The following CYTIP variants were observed in gnomAD, a reference collection of about 807,000 sequenced individuals.
CYTIP encodes cytohesin-interacting protein.
CYTIP carries 26 observed loss-of-function variants against 43.8 expected under a neutral mutation model. The observed-to-expected ratio is 0.59, with a 90% CI of 0.44 to 0.82. The LOEUF (loss-of-function observed/expected upper bound fraction) is 0.82. Among genes scored for constraint, CYTIP ranks in the 40% least tolerant of loss-of-function variants. The probability of loss-of-function intolerance (pLI) is 0.00; values close to 1 mark genes in which losing one functional copy is unlikely to be tolerated. For synonymous variants in CYTIP, 162 were observed against 162.9 expected (o/e 0.99, Z 0.04); for missense variants, 426 against 443.1 (o/e 0.96, Z 0.35).
intron 6 of CYTIP, among the ~76,000 whole-genome samples, chr2:157,422,625 A>T (rs976738207): frequency 6.6e-6 from 1 of 150,820 alleles, no homozygotes. Flanking sequence ...AGCCGAGATC[A>T]TGCCACTGCA....
At position 157,424,290 on chromosome 2, in the gene CYTIP, T is replaced by G. The variant is rs1685567952; in HGVS notation, c.546+3061A>C. Among the ~76,000 whole-genome samples the G allele has an allele frequency of 2.0e-5, 3 of 152,186 alleles. No homozygotes were observed. In the South Asian group the frequency reaches 6.2e-4, roughly 31 times the overall value. On this transcript the variant is annotated intron_variant, in intron 6 of 7. Transcript: ENST00000264192. ...TATAGTCACAGCACAGAAAAATTTATTTCACATGTCTATTAACGTCAATCA... is the reference window on the plus strand; with the variant it reads ...TATAGTCACAGCACAGAAAAATTTAGTTCACATGTCTATTAACGTCAATCA...
chr2:157,437,283 A>T (rs1685825196), intron 1 of CYTIP, among the ~76,000 whole-genome samples: 2 of 152,198 alleles, frequency 1.3e-5, no homozygotes, highest in Admixed American at 1.3e-4. Context: ...CTACCTGTGG[A>T]ATGGAAGGAA....
intron 6 of CYTIP, among the ~76,000 whole-genome samples, chr2:157,422,424 T>A (rs145497728): frequency 6.6e-6 from 1 of 152,154 alleles, no homozygotes; most frequent in Admixed American, 6.6e-5. Context: ...TCCCAGCACT[T>A]TGGGAGGCCT....
Position 157,437,220 on chromosome 2 carries a change from T to G in CYTIP, c.175-2473A>C, listed in dbSNP as rs372412023. 9.0e-4 allele frequency among the ~76,000 whole-genome samples: 137 copies of G among 151,938 alleles called. 4 individuals are homozygous for G. The South Asian group carries it at 0.027, about 30-fold the overall frequency. On this transcript the variant is annotated intron_variant, in intron 1 of 7. Transcript: ENST00000264192. ...CAAAAGCAAAAATAAACTAATGGGG[T>G]TATATTAAACTAAAAAGATTCTGCA...
intron 6 of CYTIP, among the ~76,000 whole-genome samples, chr2:157,419,201 C>A (rs956495603): frequency 1.3e-5 from 2 of 152,128 alleles, no homozygotes; most frequent in Admixed American, 1.3e-4. Flanking sequence ...GGTTTCACCA[C>A]GCTGGCCAGG....
At chr2:157,437,982 A>G (rs1478479203) in intron 1 of CYTIP, among the ~76,000 whole-genome samples, 1 of 152,174 alleles carries the variant, frequency 6.6e-6, no homozygotes, top group African/African-American at 2.4e-5. Context: ...TCAAACAACT[A>G]CAAATAGAAC....
rs1337920847 is a variant in CYTIP, at chr2:157,427,389, T to G, written c.508A>C (p.Lys170Gln). 1 of 1,609,710 alleles carries G rather than the reference T, an allele frequency of 6.2e-7. No homozygotes were observed. The highest frequency in any genetic ancestry group is 1.3e-5 in the African/African-American group (1 of 74,802). The change falls in exon 6 of 8, where the codon AAA becomes CAA. Residue 170 changes from lysine to glutamine, a missense_variant. Transcript: ENST00000264192. ...AGCTTTGCTTCAAGCTCCGTTCTTT[T>G]CAGAATCATTGTTCCATTAAGAGTC... ...IETLNGTMILKRTELEAKLQV... is the reference protein window; with the variant it reads ...IETLNGTMILQRTELEAKLQV...
rs1331832177 is a variant in CYTIP at position 157,442,179 on chromosome 2, T to C, written c.174+1668A>G. On this transcript the variant is annotated intron_variant, in intron 1 of 7. Coordinates refer to ENST00000264192, the MANE Select transcript of CYTIP (RefSeq NM_004288.5). ...TCTCGAATATCTATTTCCAAGGCTA[T>C]ATTTACAGATGTTTCACTTCGATGA... Among the ~76,000 whole-genome samples, 5 of 152,344 alleles carry C rather than the reference T, an allele frequency of 3.3e-5. No individual in the cohort carries two copies. In the East Asian group the frequency reaches 7.7e-4, roughly 23 times the overall value.
At position 157,415,813 on chromosome 2, in the gene CYTIP, G is replaced by C. The variant is rs367823030; in HGVS notation, c.944C>G (p.Pro315Arg). ...GCTTGATAAGTTGCCCTCCCACAAG[G>C]GAGACATGGATCCGCTGCTGGTGTT... ...ISNTSSGSMS[P>R]LWEGNLSSMF... Residue 315 changes from proline (P) to arginine (R), a missense_variant, in exon 8 of 8, where the codon CCC becomes CGC. Coordinates refer to ENST00000264192, the MANE Select transcript of CYTIP (RefSeq NM_004288.5). The C allele has an allele frequency of 5.6e-6, 9 of 1,614,064 alleles. No individual in the cohort carries two copies. In the African/African-American group the frequency reaches 1.2e-4, roughly 22 times the overall value.
chr2:157,415,509 T>C lies in CYTIP; in HGVS notation c.*168A>G. On this transcript the variant is annotated 3_prime_UTR_variant, in exon 8 of 8. Coordinates refer to ENST00000264192, the MANE Select transcript of CYTIP (RefSeq NM_004288.5). ...GAAATTGGCTGTTTAGGTTGAAAAA[T>C]GATTTAAGAAGCATAAACTATAACA... 1 of 569,520 alleles carries C rather than the reference T, an allele frequency of 1.8e-6. No individual in the cohort carries two copies. Among genetic ancestry groups the C allele is most frequent in the South Asian group, 2.5e-5 (1 of 39,284 alleles). The allele number at this position is 569,520 out of a possible 1,614,324, so 35.3% of individuals were successfully genotyped here.
At chr2:157,436,471 T>TA (rs974389363) in intron 1 of CYTIP, among the ~76,000 whole-genome samples, 1 of 152,140 alleles carries the variant, frequency 6.6e-6, no homozygotes, top group Admixed American at 6.6e-5. Flanking sequence ...AGGGCTTTTT[T>TA]ATTCTTTTTA....
chr2:157,416,930 C>T (rs919278215), intron 7 of CYTIP, among the ~76,000 whole-genome samples: 5 of 151,748 alleles, frequency 3.3e-5, no homozygotes, highest in African/African-American at 1.2e-4. Flanking sequence ...TATGACCCTC[C>T]CTGCTTCCAC....
chr2:157,423,378 T>G (rs1483484320), intron 6 of CYTIP, among the ~76,000 whole-genome samples: 2 of 151,902 alleles, frequency 1.3e-5, no homozygotes, highest in African/African-American at 2.4e-5. Flanking sequence ...GACAAAAATT[T>G]AAAACATCAG....
intron 6 of CYTIP, among the ~76,000 whole-genome samples, chr2:157,423,469 A>G (rs1372053489): frequency 6.6e-6 from 1 of 150,830 alleles, no homozygotes; most frequent in Admixed American, 6.6e-5. Context: ...CTGTCTTTAA[A>G]AAAAACCAGA....
At chr2:157,435,178 C>T (rs911350722) in intron 1 of CYTIP, among the ~76,000 whole-genome samples, 3 of 152,140 alleles carry the variant, frequency 2.0e-5, no homozygotes, top group Non-Finnish European at 4.4e-5. Context: ...TTTGTAATCA[C>T]ACTGAAATCC....
At chr2:157,426,128 T>C (rs1166851856) in intron 6 of CYTIP, among the ~76,000 whole-genome samples, 1 of 151,840 alleles carries the variant, frequency 6.6e-6, no homozygotes, top group African/African-American at 2.4e-5. Context: ...AATTAAAAGA[T>C]TAATATAGCA....
intron 7 of CYTIP, among the ~76,000 whole-genome samples, chr2:157,416,584 C>G (rs1051941619): frequency 6.6e-6 from 1 of 152,140 alleles, no homozygotes; most frequent in African/African-American, 2.4e-5. Flanking sequence ...CTTAGTTTCT[C>G]TGATTCTTAG....
intron 1 of CYTIP, among the ~76,000 whole-genome samples, chr2:157,441,836 C>T (rs749125132): frequency 2.0e-5 from 3 of 152,186 alleles, no homozygotes; most frequent in Admixed American, 6.5e-5. Flanking sequence ...CCAACTACTG[C>T]AAAAGTTCCT....
chr2:157,434,617 GGA>G (rs984141888), intron 2 of CYTIP, 79 bp downstream of exon 2: 15 of 1,047,530 alleles, frequency 1.4e-5, no homozygotes, highest in African/African-American at 9.5e-5. Context: ...GAGAGAGAGA[GGA>G]AGAGAGAGGA....
Sources: gnomAD v4.1 joint callset for allele counts (sites outside exome capture counted in the v4.1 genomes callset) on GRCh38, gnomAD v4.1.1 for gene constraint, MANE v1.5 for transcripts, NCBI Gene and HGNC (gene_info 2026-07-23, HGNC 2026-07-21) for gene names.